ARHGEF16: variants seen among roughly 807,000 people sequenced by gnomAD.
ARHGEF16 encodes the protein Rho guanine nucleotide exchange factor 16.
Under a neutral mutation model 74.1 loss-of-function variants are expected in ARHGEF16, and 59 were observed. The ratio of observed to expected loss-of-function variants is 0.80; its 90% CI spans 0.65 to 0.99. The LOEUF is 0.99. ARHGEF16 is among the 50% of genes least tolerant of loss of function. The probability of loss-of-function intolerance (pLI) is 0.00; values close to 1 mark genes in which losing one functional copy is unlikely to be tolerated. For missense variants in ARHGEF16, 948 were observed against 986.6 expected (o/e 0.96, Z 0.52); for synonymous variants, 415 against 412.6 (o/e 1.01, Z -0.07).
chr1:3,467,327 A>G lies in ARHGEF16; in HGVS notation c.794A>G (p.Gln265Arg). 6.5e-7 allele frequency: 1 copy of G among 1,549,078 alleles called. No homozygotes were observed. ...SYRPAQVTWS[Q>R]LPEVVELGIL... is the part of the protein sequence containing the mutation. ...CGGCCCGCCCAGGTCACCTGGAGCC[A>G]GCTCCCAGAGGTAGCGCCGGAGGGT... The change falls in exon 4 of 15, where the codon CAG becomes CGG. Residue 265 changes from glutamine to arginine, a missense_variant. Coordinates refer to ENST00000378378, the MANE Select transcript of ARHGEF16 (RefSeq NM_014448.4).
intron 5 of ARHGEF16, 30 bp from the exon 6 acceptor site, chr1:3,469,403 T>C (rs368220096): frequency 1.2e-6 from 2 of 1,611,118 alleles, no homozygotes; most frequent in African/African-American, 2.7e-5. Context: ...CCAGCGTCAC[T>C]GTGGGGCTCA....
chr1:3,478,143 C>T (rs985424591), intron 11 of ARHGEF16, 117 bp downstream of exon 11: 10 of 1,406,938 alleles, frequency 7.1e-6, no homozygotes, highest in East Asian at 2.3e-5. Context: ...AGAGCCGAGG[C>T]GCGGCTTCCA....
In ARHGEF16 at chr1:3,474,379, T is replaced by TG. The variant is rs1639824782; in HGVS notation, c.1306-324dup. Reference sequence around the variant, plus strand: ...CAAGCCAAACAGAACCTCAAACTCCTGGGGGCCCCAGGGATGTGCAGAAAT... The same window carrying TG: ...CAAGCCAAACAGAACCTCAAACTCCTGGGGGGCCCCAGGGATGTGCAGAAAT... On this transcript the variant is annotated intron_variant, in intron 8 of 14. Transcript: ENST00000378378. The TG allele has an allele frequency of 1.5e-5, 5 of 334,366 alleles. No individual in the cohort carries two copies. The South Asian group carries it at 2.0e-4, about 13-fold the overall frequency. The allele number at this position is 334,366 out of a possible 1,614,324, so 20.7% of individuals were successfully genotyped here. A position where few individuals can be genotyped will look rare whatever the true frequency, so the allele number is the denominator to read the frequency against.
chr1:3,470,724 C>T (rs967211401), intron 6 of ARHGEF16, among the ~76,000 whole-genome samples: 2 of 143,732 alleles, frequency 1.4e-5, no homozygotes, highest in African/African-American at 5.3e-5. Context: ...TGTGCGTGGT[C>T]AGGGGTGTGT....
chr1:3,469,572 A>G lies in ARHGEF16; in HGVS notation c.1001A>G (p.Asp334Gly). Residue 334 changes from aspartate to glycine, a missense_variant, in exon 6 of 15, where the codon GAT (aspartate) becomes GGT (glycine). Transcript: ENST00000378378. Reference sequence around the variant, plus strand: ...CACCACCTCTTCTCCAACATCCTGGATGTCCTGGGTGCCAGTCAGAGGTGA... The same window carrying G: ...CACCACCTCTTCTCCAACATCCTGGGTGTCCTGGGTGCCAGTCAGAGGTGA... ...EHHHLFSNILDVLGASQRFFE... is the reference protein window; with the variant it reads ...EHHHLFSNILGVLGASQRFFE... The G allele has an allele frequency of 6.2e-7, 1 of 1,612,936 alleles. No individual in the cohort carries two copies. The highest frequency in any genetic ancestry group is 8.5e-7 in the Non-Finnish European group (1 of 1,179,958).
At chr1:3,477,220 G>C (rs1284131915) in intron 10 of ARHGEF16, among the ~76,000 whole-genome samples, 1 of 113,158 alleles carries the variant, frequency 8.8e-6, no homozygotes, top group Non-Finnish European at 1.8e-5. Flanking sequence ...CTGAGGAGCG[G>C]GAGCTGGTGG....
At chr1:3,457,099 A>C (rs1639281973) in intron 1 of ARHGEF16, among the ~76,000 whole-genome samples, 1 of 152,258 alleles carries the variant, frequency 6.6e-6, no homozygotes, top group African/African-American at 2.4e-5. Flanking sequence ...AAACTGCCCC[A>C]GTGAAGGCCG....
At chr1:3,472,897 C>T in intron 6 of ARHGEF16, 181 bp from the exon 7 acceptor site, 16 of 196,118 alleles carry the variant, frequency 8.2e-5, no homozygotes, top group South Asian at 2.3e-4. Context: ...TCCCTGCTGT[C>T]CAGCATCCCA....
chr1:3,476,858 G>A (rs1639891520), intron 10 of ARHGEF16, among the ~76,000 whole-genome samples: 1 of 152,128 alleles, frequency 6.6e-6, no homozygotes, highest in South Asian at 2.1e-4. Flanking sequence ...AGGGCGGGCT[G>A]CCTGGGGCAG....
intron 4 of ARHGEF16, 63 bp from the exon 5 acceptor site, chr1:3,468,817 G>A (rs1179222434): frequency 4.6e-6 from 7 of 1,537,612 alleles, no homozygotes; most frequent in Admixed American, 3.9e-5. Flanking sequence ...AGGAAAGAAG[G>A]GAGACTTTGG....
rs777307132 is a variant in ARHGEF16, at chr1:3,463,395, G to A, written c.311G>A (p.Arg104His). Residue 104 changes from arginine to histidine, a missense_variant, in exon 2 of 15, where the codon CGC becomes CAC. Physicochemically the swap from Arg to His is conservative, Grantham distance 29 (BLOSUM62 0). Transcript: ENST00000378378. ...GCCAGCAAGGCAAAGACCCCAGCCC[G>A]CCACCAGAGCTTCGGGGCGGCTGTA... Reference protein sequence around the residue: ...AVASKAKTPARHQSFGAAVLS... With the variant: ...AVASKAKTPAHHQSFGAAVLS... The A allele has an allele frequency of 9.0e-6, 14 of 1,550,134 alleles. No homozygotes were observed. Among genetic ancestry groups the A allele is most frequent in the Middle Eastern group, 1.7e-4 (1 of 5,984 alleles).
Position 3,463,522 on chromosome 1 carries a change from G to T in ARHGEF16, c.438G>T (p.Arg146Ser). The part of the protein sequence containing the change: ...DVDKDPGGML[R>S]RNLRNQSYRA... ...ACAAGGACCCCGGGGGCATGCTGAG[G>T]CGGAACCTGCGGAACCAATCCTACC... The change falls in exon 2 of 15, where the codon AGG (arginine) becomes AGT (serine). Residue 146 changes from arginine (R) to serine (S), a missense_variant. Arg to Ser is a moderately radical substitution (Grantham distance 110). Transcript: ENST00000378378. The T allele has an allele frequency of 6.8e-7, 1 of 1,472,830 alleles. No individual in the cohort carries two copies. Among genetic ancestry groups the T allele is most frequent in the Non-Finnish European group, 9.0e-7 (1 of 1,109,296 alleles). The allele number at this position is 1,472,830 out of a possible 1,614,324, so 91.2% of individuals were successfully genotyped here. A position where few individuals can be genotyped will look rare whatever the true frequency, so the allele number is the denominator to read the frequency against.
At position 3,478,471 on chromosome 1, in the gene ARHGEF16, A is replaced by G. The variant is rs779491191; in HGVS notation, c.1673A>G (p.Gln558Arg). The part of the protein sequence containing the change: ...VQDYAQMNHI[Q>R]VEKIEPSELP... ...GACTACGCCCAGATGAACCACATCC[A>G]GGTGGAGAAGATAGAGCCGTCTGAG... The change falls in exon 12 of 15, where the codon CAG becomes CGG. Residue 558 changes from glutamine (Q) to arginine (R), a missense_variant. Physicochemically the swap from Gln to Arg is conservative, Grantham distance 43. Coordinates refer to ENST00000378378, the MANE Select transcript of ARHGEF16 (RefSeq NM_014448.4). 1 of 1,612,364 alleles carries G rather than the reference A, an allele frequency of 6.2e-7. No individual in the cohort carries two copies. Among genetic ancestry groups the G allele is most frequent in the Non-Finnish European group, 8.5e-7 (1 of 1,179,708 alleles).
At chr1:3,471,724 C>T (rs1394572541) in intron 6 of ARHGEF16, 2 of 1,221,004 alleles carry the variant, frequency 1.6e-6, no homozygotes, top group Non-Finnish European at 2.1e-6. Flanking sequence ...CGGCCTCCTC[C>T]CCCAGCTGGG....
intron 6 of ARHGEF16, chr1:3,471,734 GC>G (rs1639729201): frequency 4.1e-6 from 5 of 1,208,742 alleles, no homozygotes; most frequent in South Asian, 2.9e-5. Flanking sequence ...CCCCAGCTGG[GC>G]CCCCGACAGC....
At chr1:3,459,867 G>C (rs550729490) in intron 1 of ARHGEF16, among the ~76,000 whole-genome samples, 7 of 152,128 alleles carry the variant, frequency 4.6e-5, no homozygotes, top group African/African-American at 7.2e-5. Flanking sequence ...AGGCAGGGAG[G>C]GGGTAGGAAT....
At chr1:3,477,317 A>AC (rs1639909658) in intron 10 of ARHGEF16, among the ~76,000 whole-genome samples, 1 of 142,144 alleles carries the variant, frequency 7.0e-6, no homozygotes, top group Non-Finnish European at 1.6e-5. Flanking sequence ...CCCCCACACT[A>AC]CCCACCCCAT....
chr1:3,461,653 C>T lies in ARHGEF16; in HGVS notation c.-19-1413C>T, dbSNP rs143440498. 8.2e-3 allele frequency among the ~76,000 whole-genome samples: 1,250 copies of T among 152,294 alleles called. 12 individuals carry two copies. Among genetic ancestry groups the T allele is most frequent in the Middle Eastern group, 0.02 (6 of 294 alleles). ...TCACTGTGGGCCTGACCGCTGTGGC[C>T]GAGCAATGCGCCGTCACTCAGGAGG... On this transcript the variant is annotated intron_variant, in intron 1 of 14. Transcript: ENST00000378378.
rs541381691 is a variant in ARHGEF16 at position 3,467,343 on chromosome 1, G to C, written c.804+6G>C. On this transcript the variant is annotated splice_donor_region_variant and intron_variant, in intron 4 of 14. Transcript: ENST00000378378. The stretch of plus-strand genomic sequence containing the variant: ...CCTGGAGCCAGCTCCCAGAGGTAGC[G>C]CCGGAGGGTGGGTGAGGCTGCCCCA... 1 of 1,544,706 alleles carries C rather than the reference G, an allele frequency of 6.5e-7. No individual in the cohort carries two copies.
Sources: gnomAD v4.1 joint callset for allele counts (sites outside exome capture counted in the v4.1 genomes callset) on GRCh38, gnomAD v4.1.1 for gene constraint, MANE v1.5 for transcripts, NCBI Gene and HGNC (gene_info 2026-07-23, HGNC 2026-07-21) for gene names.